The following ZMYND11 variants were observed in gnomAD, a reference collection of about 807,000 sequenced individuals.
The protein encoded by ZMYND11 is zinc finger MYND-type containing 11, also known as zinc finger MYND domain-containing protein 11.
Under a neutral mutation model 84.9 loss-of-function variants are expected in ZMYND11, and 9 were observed. The ratio of observed to expected loss-of-function variants is 0.11; its 90% confidence interval spans 0.06 to 0.18. ZMYND11 has a LOEUF of 0.18. Ranked by LOEUF, ZMYND11 falls within the 10% of genes least tolerant of loss-of-function variation. ZMYND11 has a pLI of 1.00. For synonymous variants in ZMYND11, 250 were observed against 244.1 expected, an observed-to-expected ratio of 1.02 and a Z score of -0.23; for missense variants, 409 against 761.0, an observed-to-expected ratio of 0.54 and a Z score of 5.44.
At chr10:180,271 A>G in intron 2 of ZMYND11, 143 bp downstream of exon 2, 1 of 567,578 alleles carries the variant, frequency 1.8e-6, no homozygotes, top group Non-Finnish European at 3.1e-6. Context: ...GAGTATTATT[A>G]GAAAAACAAA....
chr10:206,750 G>A (rs551419309), intron 2 of ZMYND11, among the ~76,000 whole-genome samples: 3 of 152,046 alleles, frequency 2.0e-5, no homozygotes, highest in East Asian at 3.9e-4. Context: ...TACGTACTAC[G>A]CCTTCTGTTT....
chr10:220,541 G>C (rs1946967626), intron 3 of ZMYND11, among the ~76,000 whole-genome samples: 1 of 152,122 alleles, frequency 6.6e-6, no homozygotes, highest in African/African-American at 2.4e-5. Context: ...AGGAAATAAG[G>C]CTACTTCCTT....
At chr10:244,836 T>TTAA (rs1238350912) in intron 10 of ZMYND11, among the ~76,000 whole-genome samples, 1 of 152,234 alleles carries the variant, frequency 6.6e-6, no homozygotes, top group Non-Finnish European at 1.5e-5. Flanking sequence ...GTACTGGAGT[T>TTAA]GATTAAAGGA....
At chr10:143,864 T>G (rs1262721813) in intron 1 of ZMYND11, among the ~76,000 whole-genome samples, 5 of 152,096 alleles carry the variant, frequency 3.3e-5, no homozygotes, top group African/African-American at 1.2e-4. Context: ...TGAGGCAGGG[T>G]CAGGTAGCTC....
chr10:149,282 G>GTGGTTATTA (rs1403673366), intron 1 of ZMYND11, among the ~76,000 whole-genome samples: 8 of 108,238 alleles, frequency 7.4e-5, no homozygotes, highest in African/African-American at 2.3e-4. Context: ...CACTGAGGTG[G>GTGGTTATTA]TTGTTATTAT....
At chr10:227,782 G>A (rs191362724) in intron 4 of ZMYND11, among the ~76,000 whole-genome samples, 7 of 152,186 alleles carry the variant, frequency 4.6e-5, no homozygotes, top group Admixed American at 1.3e-4. Context: ...TTCTGATCAG[G>A]CATATTTTAG....
Position 252,491 on chromosome 10 carries a change from AC to A in ZMYND11, c.*25del, listed in dbSNP as rs758504915. On this transcript the variant is annotated 3_prime_UTR_variant, in exon 15 of 15. Coordinates refer to ENST00000381604, the MANE Select transcript of ZMYND11 (RefSeq NM_001370100.5). The surrounding 1 kb of genome is among the most constrained non-coding windows in gnomAD (Gnocchi z 4.6). Reference sequence around the variant, plus strand: ...GATGAAGCTGGCCCTTCCCGGAGTCACCCCGATGATTACTCTTTTCAGACAC... The same window carrying A: ...GATGAAGCTGGCCCTTCCCGGAGTCACCCGATGATTACTCTTTTCAGACAC... 9 of 1,601,988 alleles carry A rather than the reference AC, an allele frequency of 5.6e-6. No homozygotes were observed. The highest frequency in any genetic ancestry group is 7.6e-6 in the Non-Finnish European group (9 of 1,176,822).
intron 2 of ZMYND11, among the ~76,000 whole-genome samples, chr10:197,617 G>A (rs1000719462): frequency 8.5e-5 from 13 of 152,274 alleles, no homozygotes; most frequent in African/African-American, 2.9e-4. Flanking sequence ...TGTCCATAAA[G>A]CAAATCAGTT....
chr10:182,605 T>G (rs536719220), intron 2 of ZMYND11, among the ~76,000 whole-genome samples: 1 of 152,240 alleles, frequency 6.6e-6, no homozygotes, highest in South Asian at 2.1e-4. Flanking sequence ...ATGTTTATTT[T>G]TATTATGTAG....
intron 1 of ZMYND11, among the ~76,000 whole-genome samples, chr10:146,951 T>C (rs1554755496): frequency 6.6e-6 from 1 of 152,254 alleles, no homozygotes; most frequent in Non-Finnish European, 1.5e-5. Flanking sequence ...TCCCCAGCCA[T>C]GTGGAACTGT....
chr10:240,217 C>A, intron 8 of ZMYND11, 106 bp downstream of exon 8: 6 of 1,031,340 alleles, frequency 5.8e-6, no homozygotes, highest in Non-Finnish European at 6.8e-6. Context: ...CTTTAAATGT[C>A]TTTTATTGCC....
At chr10:151,142 T>A (rs932740642) in intron 1 of ZMYND11, among the ~76,000 whole-genome samples, 1 of 152,022 alleles carries the variant, frequency 6.6e-6, no homozygotes. Context: ...AAGCTCAAAA[T>A]TCTAAAAATC....
At chr10:144,363 C>T (rs975320394) in intron 1 of ZMYND11, among the ~76,000 whole-genome samples, 4 of 152,014 alleles carry the variant, frequency 2.6e-5, no homozygotes, top group Non-Finnish European at 5.9e-5. Flanking sequence ...GGACTATAGG[C>T]GCATGCCACC....
At chr10:220,156 C>T (rs1473990415) in intron 3 of ZMYND11, among the ~76,000 whole-genome samples, 1 of 151,994 alleles carries the variant, frequency 6.6e-6, no homozygotes, top group Non-Finnish European at 1.5e-5. Flanking sequence ...TAAAGCTGTT[C>T]CACCTTGGAA....
intron 1 of ZMYND11, among the ~76,000 whole-genome samples, chr10:141,304 C>G (rs1254724675): frequency 6.6e-6 from 1 of 152,106 alleles, no homozygotes; most frequent in Non-Finnish European, 1.5e-5. Flanking sequence ...TGTGCCATAT[C>G]TTAGATGCCG....
intron 14 of ZMYND11, among the ~76,000 whole-genome samples, chr10:251,890 GAAGT>G (rs79997315): frequency 0.068 from 10,410 of 152,182 alleles, 669 homozygotes; most frequent in African/African-American, 0.17. Flanking sequence ...CACTAGATTT[GAAGT>G]TGTAAGTGAC....
intron 10 of ZMYND11, among the ~76,000 whole-genome samples, chr10:244,282 CTAAT>C (rs1269363117): frequency 2.0e-5 from 3 of 152,126 alleles, no homozygotes; most frequent in African/African-American, 7.2e-5. Flanking sequence ...CAAGTTTTGG[CTAAT>C]TATTCTTCTG....
chr10:195,462 A>G (rs1332519826), intron 2 of ZMYND11, among the ~76,000 whole-genome samples: 1 of 152,252 alleles, frequency 6.6e-6, no homozygotes, highest in Non-Finnish European at 1.5e-5. Context: ...GGATAGTCAT[A>G]TATTTCTATA....
intron 1 of ZMYND11, among the ~76,000 whole-genome samples, chr10:136,220 TGAG>T (rs1353177839): frequency 6.6e-6 from 1 of 152,100 alleles, no homozygotes; most frequent in Non-Finnish European, 1.5e-5. Context: ...GAGAAGCTGC[TGAG>T]GACGCGGCTG....
Sources: gnomAD v4.1 joint callset for allele counts (sites outside exome capture counted in the v4.1 genomes callset) on GRCh38, gnomAD v4.1.1 for gene constraint, Gnocchi (gnomAD v3.1) non-coding constraint, MANE v1.5 for transcripts, NCBI Gene and HGNC (gene_info 2026-07-23, HGNC 2026-07-21) for gene names.